The following TEX10 variants were observed in gnomAD, a reference collection of about 807,000 sequenced individuals.
The protein encoded by TEX10 is testis expressed 10, also known as testis-expressed protein 10.
In TEX10, 24 loss-of-function variants were observed where a neutral mutation model predicts 104.4. The observed-to-expected ratio is 0.23, with a 90% CI of 0.17 to 0.32. The LOEUF (loss-of-function observed/expected upper bound fraction) is 0.32, where lower values mean the gene tolerates loss of function less well. Among genes scored for constraint, TEX10 ranks in the 10% least tolerant of loss-of-function variants. TEX10 has a pLI of 1.00. For synonymous variants in TEX10, 396 were observed against 393.4 expected (o/e 1.01, Z -0.08); for missense variants, 921 against 1,083.9 (o/e 0.85, Z 2.11).
chr9:100,352,468 A>T (rs1835480074), intron 1 of TEX10: 2 of 1,551,586 alleles, frequency 1.3e-6, no homozygotes, highest in Non-Finnish European at 1.7e-6. Context: ...GACGCCGGCC[A>T]GGACCAGAGT....
chr9:100,308,820 C>T, intron 12 of TEX10, 139 bp from the exon 13 acceptor site: 1 of 645,748 alleles, frequency 1.5e-6, no homozygotes, highest in Non-Finnish European at 2.4e-6. Context: ...TGCCACCTGC[C>T]ACACCTTAAG....
At position 100,325,585 on chromosome 9, in the gene TEX10, C is replaced by T. The variant is rs181754351; in HGVS notation, c.1979+717G>A. Among the ~76,000 whole-genome samples the T allele has an allele frequency of 2.6e-5, 4 of 152,248 alleles. No homozygotes were observed. In the East Asian group the frequency reaches 7.7e-4, roughly 29 times the overall value. Reference sequence around the variant, plus strand: ...TCACTCTGTCGCCCAGATTGGAGTGCAGTGGTGCCATCTTGACTCACTGCA... The same window carrying T: ...TCACTCTGTCGCCCAGATTGGAGTGTAGTGGTGCCATCTTGACTCACTGCA... On this transcript the variant is annotated intron_variant, in intron 9 of 14. Coordinates refer to ENST00000374902, the MANE Select transcript of TEX10 (RefSeq NM_017746.4).
intron 10 of TEX10, 132 bp from the exon 11 acceptor site, chr9:100,320,530 G>C: frequency 1.1e-6 from 1 of 940,576 alleles, no homozygotes; most frequent in Non-Finnish European, 1.5e-6. Flanking sequence ...CTGAGCTTCT[G>C]CATTTCATGC....
At chr9:100,329,384 AT>A in intron 6 of TEX10, 109 bp from the exon 7 acceptor site, 1 of 1,321,534 alleles carries the variant, frequency 7.6e-7, no homozygotes, top group Non-Finnish European at 1.0e-6. Context: ...GGCAAAGCCA[AT>A]TTTAGCCACA....
intron 7 of TEX10, among the ~76,000 whole-genome samples, chr9:100,328,227 T>C (rs1212129024): frequency 6.6e-6 from 1 of 152,222 alleles, no homozygotes; most frequent in Non-Finnish European, 1.5e-5. Flanking sequence ...TAACTATTTA[T>C]CCTAATCGGT....
Position 100,352,615 on chromosome 9 carries a change from G to A in TEX10, c.-10+157C>T, listed in dbSNP as rs112311747. On this transcript the variant is annotated intron_variant, in intron 1 of 14. Coordinates refer to ENST00000374902, the MANE Select transcript of TEX10 (RefSeq NM_017746.4). ...CCCCGCAGTGCCGGCCGCACACCCA[G>A]GCCCAGCTCGGAGGGACGCCGCGGC... 7.4e-3 allele frequency: 10,916 copies of A among 1,475,140 alleles called. 712 individuals carry two copies. The African/African-American group carries it at 0.14, about 18-fold the overall frequency. 91.4% of individuals were successfully genotyped at this position (1,475,140 alleles called of 1,614,324 possible).
chr9:100,318,579 A>G (rs1834482791), intron 11 of TEX10, among the ~76,000 whole-genome samples: 1 of 152,248 alleles, frequency 6.6e-6, no homozygotes, highest in South Asian at 2.1e-4. Flanking sequence ...CGCATGTAAC[A>G]AAACTGCATT....
At chr9:100,340,391 G>A in intron 4 of TEX10, 22 bp from the exon 5 acceptor site, 1 of 1,401,512 alleles carries the variant, frequency 7.1e-7, no homozygotes, top group East Asian at 2.6e-5. Context: ...GCAAAGATTA[G>A]AAAAATCTAC....
At chr9:100,318,989 C>G (rs117426958) in intron 11 of TEX10, among the ~76,000 whole-genome samples, 1 of 152,258 alleles carries the variant, frequency 6.6e-6, no homozygotes, top group East Asian at 1.9e-4. Flanking sequence ...GTTAGGAATT[C>G]AAGACCAGCC....
At chr9:100,311,231 G>GA (rs76733090) in intron 11 of TEX10, among the ~76,000 whole-genome samples, 188 of 141,720 alleles carry the variant, frequency 1.3e-3, no homozygotes, top group Admixed American at 1.3e-3. Context: ...ACCTCATCTA[G>GA]AAAAAAAAAA....
chr9:100,313,388 G>A (rs1178033050), intron 11 of TEX10, among the ~76,000 whole-genome samples: 8 of 151,688 alleles, frequency 5.3e-5, no homozygotes, highest in Middle Eastern at 6.8e-3. Context: ...GGTGGCAAGC[G>A]CCTGTAATCC....
At chr9:100,315,376 T>C (rs559232798) in intron 11 of TEX10, among the ~76,000 whole-genome samples, 1 of 152,290 alleles carries the variant, frequency 6.6e-6, no homozygotes, top group South Asian at 2.1e-4. Context: ...TATTATTGTA[T>C]TGCTATGTAT....
At position 100,314,455 on chromosome 9, in the gene TEX10, C is replaced by T. The variant is rs148541966; in HGVS notation, c.2203-4076G>A. 3.6e-3 allele frequency among the ~76,000 whole-genome samples: 546 copies of T among 152,284 alleles called. 3 individuals are homozygous for T. The highest frequency in any genetic ancestry group is 0.012 in the African/African-American group (514 of 41,566). On this transcript the variant is annotated intron_variant, in intron 11 of 14. Transcript: ENST00000374902. ...GTCTGTTCAGATTTTCTGTTTCATCCTGGTTCAACCTTGGGGAGTTGTATG... is the reference window on the plus strand; with the variant it reads ...GTCTGTTCAGATTTTCTGTTTCATCTTGGTTCAACCTTGGGGAGTTGTATG...
intron 11 of TEX10, among the ~76,000 whole-genome samples, chr9:100,317,999 C>G (rs552176998): frequency 6.6e-6 from 1 of 152,174 alleles, no homozygotes; most frequent in African/African-American, 2.4e-5. Context: ...GGATGCAGAA[C>G]TTACACACTG....
At chr9:100,315,131 T>C (rs1404663041) in intron 11 of TEX10, among the ~76,000 whole-genome samples, 2 of 152,174 alleles carry the variant, frequency 1.3e-5, no homozygotes, top group Non-Finnish European at 2.9e-5. Flanking sequence ...CTTGGTATGA[T>C]TTTGATTTTT....
intron 11 of TEX10, among the ~76,000 whole-genome samples, chr9:100,317,395 T>C (rs1370684454): frequency 1.3e-5 from 2 of 152,130 alleles, no homozygotes; most frequent in Non-Finnish European, 1.5e-5. Context: ...ACACTGGAGA[T>C]AGGACAACTT....
intron 11 of TEX10, 25 bp downstream of exon 11, chr9:100,320,240 A>C: frequency 6.4e-7 from 1 of 1,568,716 alleles, no homozygotes; most frequent in Non-Finnish European, 8.6e-7. Flanking sequence ...AATAATTATT[A>C]GTTTCTTTTT....
At chr9:100,346,551 A>G in intron 3 of TEX10, 143 bp downstream of exon 3, 1 of 1,010,540 alleles carries the variant, frequency 9.9e-7, no homozygotes, top group Non-Finnish European at 1.4e-6. Flanking sequence ...AACTCTTCCC[A>G]TCAGTAAATA....
chr9:100,303,439 C>CA (rs1491304275), intron 14 of TEX10, among the ~76,000 whole-genome samples, 193 bp downstream of exon 14: 55 of 30,874 alleles, frequency 1.8e-3, no homozygotes, highest in East Asian at 0.018. Flanking sequence ...CACAGACACA[C>CA]CCCCCCCCCC....
Sources: allele counts gnomAD v4.1 joint callset (sites outside exome capture counted in the v4.1 genomes callset), GRCh38; gene constraint gnomAD v4.1.1; transcripts MANE v1.5; gene names NCBI Gene and HGNC (gene_info 2026-07-23, HGNC 2026-07-21).